PTPN3: variants seen among roughly 807,000 people sequenced by gnomAD.
PTPN3 encodes the protein tyrosine-protein phosphatase non-receptor type 3.
Under a neutral mutation model 132.7 loss-of-function variants are expected in PTPN3, and 96 were observed. The observed-to-expected ratio is 0.72, with a 90% CI of 0.61 to 0.86. The LOEUF is 0.86. Ranked by LOEUF, PTPN3 falls within the 40% of genes least tolerant of loss-of-function variation. The pLI is 0.00. For synonymous variants in PTPN3, 398 were observed against 429.0 expected, an observed-to-expected ratio of 0.93 and a Z score of 0.89; for missense variants, 1,125 against 1,159.6, an observed-to-expected ratio of 0.97 and a Z score of 0.43.
chr9:109,415,675 T>A (rs10759342), intron 14 of PTPN3, among the ~76,000 whole-genome samples: 1 of 152,086 alleles, frequency 6.6e-6, no homozygotes, highest in Non-Finnish European at 1.5e-5. Flanking sequence ...GTGGGGATGG[T>A]GGAGGAGTCA....
intron 19 of PTPN3, among the ~76,000 whole-genome samples, chr9:109,401,652 T>C (rs977652341): frequency 6.6e-6 from 1 of 152,146 alleles, no homozygotes; most frequent in Non-Finnish European, 1.5e-5. Context: ...TTGTGGACTA[T>C]CTGATAAACT....
chr9:109,391,870 TGG>T (rs367927103), intron 19 of PTPN3, among the ~76,000 whole-genome samples: 700 of 29,440 alleles, frequency 0.024, 17 homozygotes, highest in Non-Finnish European at 0.034. Context: ...CAACTAGATG[TGG>T]GGGGGGGGGG....
At chr9:109,487,342 C>G (rs1383982905) in intron 1 of PTPN3, among the ~76,000 whole-genome samples, 1 of 152,170 alleles carries the variant, frequency 6.6e-6, no homozygotes, top group Admixed American at 6.5e-5. Flanking sequence ...GCAGGGAGGG[C>G]CCCCCTGGCC....
At chr9:109,459,504 C>T (rs1029647367) in intron 2 of PTPN3, among the ~76,000 whole-genome samples, 9 of 152,280 alleles carry the variant, frequency 5.9e-5, no homozygotes, top group South Asian at 2.1e-4. Flanking sequence ...AGAACAATGA[C>T]GTTCATAACT....
At chr9:109,439,791 C>T (rs1684412152) in intron 7 of PTPN3, among the ~76,000 whole-genome samples, 1 of 152,106 alleles carries the variant, frequency 6.6e-6, no homozygotes, top group South Asian at 2.1e-4. Context: ...TGCCTGTAAT[C>T]CCAGCTACTT....
intron 1 of PTPN3, among the ~76,000 whole-genome samples, chr9:109,482,424 A>G (rs1289686168): frequency 1.3e-5 from 2 of 152,182 alleles, no homozygotes; most frequent in African/African-American, 4.8e-5. Context: ...ACTAATTAAA[A>G]CAAAGGAATC....
chr9:109,462,273 G>A (rs892139214), intron 2 of PTPN3, among the ~76,000 whole-genome samples: 2 of 152,210 alleles, frequency 1.3e-5, no homozygotes, highest in Non-Finnish European at 2.9e-5. Flanking sequence ...CTGAAAAGGA[G>A]ATACAGCACC....
rs1333346708 is a variant in PTPN3, at chr9:109,376,211, C to T, written c.*3345G>A. 1 of 152,170 alleles carries T rather than the reference C, an allele frequency of 6.6e-6. No homozygotes were observed. The highest frequency in any genetic ancestry group is 1.5e-5 in the Non-Finnish European group (1 of 68,038). 9.4% of individuals were successfully genotyped at this position (152,170 alleles called of 1,614,324 possible). A position where few individuals can be genotyped will look rare whatever the true frequency, so the allele number is the denominator to read the frequency against. ...CCTTCCCTTTTTACATATAAGAAAACTCAGGGTTGAGGGCAACATATCTTG... is the reference window on the plus strand; with the variant it reads ...CCTTCCCTTTTTACATATAAGAAAATTCAGGGTTGAGGGCAACATATCTTG... On this transcript the variant is annotated 3_prime_UTR_variant, in exon 26 of 26. Coordinates refer to ENST00000374541, the MANE Select transcript of PTPN3 (RefSeq NM_002829.4).
chr9:109,437,600 TA>T (rs1267649802), intron 8 of PTPN3, among the ~76,000 whole-genome samples: 9 of 152,190 alleles, frequency 5.9e-5, no homozygotes, highest in Admixed American at 2.0e-4. Flanking sequence ...GAATTGGGCA[TA>T]TGTGTTGGAG....
chr9:109,395,550 G>A (rs550847481), intron 19 of PTPN3, among the ~76,000 whole-genome samples: 1 of 152,334 alleles, frequency 6.6e-6, no homozygotes, highest in Admixed American at 6.5e-5. Flanking sequence ...ACTTTGGGAG[G>A]CTGAGGTGGG....
intron 19 of PTPN3, among the ~76,000 whole-genome samples, chr9:109,394,164 G>A (rs1465652193): frequency 2.6e-5 from 4 of 152,182 alleles, no homozygotes; most frequent in Non-Finnish European, 5.9e-5. Flanking sequence ...CGGCATTTTA[G>A]TTCTAACTGA....
At position 109,383,537 on chromosome 9, in the gene PTPN3, C is replaced by T. The variant is rs146869100; in HGVS notation, c.2268G>A (p.Gln756=). 1.6e-3 allele frequency: 2,556 copies of T among 1,614,014 alleles called. 4 individuals carry two copies. The highest frequency in any genetic ancestry group is 2.0e-3 in the Non-Finnish European group (2,393 of 1,179,988). ...LTERGRTKCH[Q]YWPDPPDVMN... is the part of the protein sequence containing the mutation. ...TGACGTCGGGGGGATCTGGCCAGTA[C>T]TGGTGACATTTGGTCTGTAAGAAAC... Residue 756 remains glutamine, a synonymous_variant, in exon 23 of 26, where the codon CAG becomes CAA. Coordinates refer to ENST00000374541, the MANE Select transcript of PTPN3 (RefSeq NM_002829.4).
the PTPN3 span, among the ~76,000 whole-genome samples, chr9:109,520,158 C>CAAAA: frequency 1.6e-5 from 2 of 125,486 alleles, no homozygotes; most frequent in African/African-American, 5.8e-5. Flanking sequence ...GAGTCTGTCT[C>CAAAA]AAAAAAAAAA....
intron 23 of PTPN3, among the ~76,000 whole-genome samples, chr9:109,382,972 C>T (rs1839241022): frequency 6.6e-6 from 1 of 152,110 alleles, no homozygotes. Context: ...CTCCTCCTTC[C>T]CCAAGCCCTT....
chr9:109,436,658 C>T (rs1310324500), intron 9 of PTPN3, among the ~76,000 whole-genome samples: 1 of 151,978 alleles, frequency 6.6e-6, no homozygotes, highest in African/African-American at 2.4e-5. Flanking sequence ...AGTCCCCTAA[C>T]CCTTCAAAAG....
intron 14 of PTPN3, among the ~76,000 whole-genome samples, chr9:109,419,993 C>T (rs1326455264): frequency 6.6e-6 from 1 of 152,098 alleles, no homozygotes; most frequent in Non-Finnish European, 1.5e-5. Flanking sequence ...CCCTGTTGTT[C>T]GGAGAAGGCT....
rs764408353 is a variant in PTPN3 at position 109,410,304 on chromosome 9, C to T, written c.1425G>A (p.Gln475=). The part of the protein sequence containing the change: ...PGSCSPDGVD[Q]QLLDDFHRVT... ...CCCTGTGGAAGTCATCTAAGAGCTG[C>T]TGATCAACGCCGTCAGGTGAGCAGG... The change falls in exon 15 of 26, where the codon CAG becomes CAA. Residue 475 remains glutamine, a synonymous_variant. Coordinates refer to ENST00000374541, the MANE Select transcript of PTPN3 (RefSeq NM_002829.4). 1.9e-6 allele frequency: 3 copies of T among 1,614,174 alleles called. No homozygotes were observed. The highest frequency in any genetic ancestry group is 2.7e-5 in the African/African-American group (2 of 75,030).
intron 1 of PTPN3, among the ~76,000 whole-genome samples, chr9:109,496,331 A>G (rs1206110239): frequency 6.6e-6 from 1 of 152,202 alleles, no homozygotes; most frequent in African/African-American, 2.4e-5. Context: ...AAAGTTTCCA[A>G]CTTCCAATAT....
chr9:109,423,097 C>G (rs1349446819), intron 12 of PTPN3, among the ~76,000 whole-genome samples: 2 of 152,182 alleles, frequency 1.3e-5, no homozygotes, highest in African/African-American at 2.4e-5. Context: ...AAAGCTGTTT[C>G]CAGAATATAA....
Sources: gnomAD v4.1 joint callset for allele counts (sites outside exome capture counted in the v4.1 genomes callset) on GRCh38, gnomAD v4.1.1 for gene constraint, MANE v1.5 for transcripts, NCBI Gene and HGNC (gene_info 2026-07-23, HGNC 2026-07-21) for gene names.